The following WDR7 variants were observed in gnomAD, a reference collection of about 807,000 sequenced individuals.
WDR7 encodes WD repeat domain 7, also known as WD repeat-containing protein 7.
A neutral mutation model predicts 169.4 loss-of-function variants in WDR7; 46 were observed. The observed-to-expected ratio is 0.27, with a 90% CI of 0.21 to 0.35. WDR7 has a LOEUF of 0.35. Among genes scored for constraint, WDR7 ranks in the 10% least tolerant of loss-of-function variants. WDR7 has a pLI of 1.00. For synonymous variants in WDR7, 612 were observed against 666.8 expected, an observed-to-expected ratio of 0.92 and a Z score of 1.27; for missense variants, 1,534 against 1,859.3, an observed-to-expected ratio of 0.83 and a Z score of 3.22.
At chr18:56,808,504 T>C (rs2044813987) in intron 19 of WDR7, among the ~76,000 whole-genome samples, 1 of 152,184 alleles carries the variant, frequency 6.6e-6, no homozygotes, top group Non-Finnish European at 1.5e-5. Context: ...GCAGTGTTTA[T>C]CACTACCATC....
At chr18:56,835,289 T>C (rs1408685557) in intron 20 of WDR7, among the ~76,000 whole-genome samples, 2 of 152,226 alleles carry the variant, frequency 1.3e-5, no homozygotes, top group Non-Finnish European at 2.9e-5. Context: ...TTCAGATTTA[T>C]TCATCTTGTT....
intron 25 of WDR7, among the ~76,000 whole-genome samples, chr18:56,947,399 G>A (rs989071361): frequency 1.8e-4 from 28 of 152,142 alleles, no homozygotes; most frequent in Admixed American, 1.7e-3. Flanking sequence ...TTGTTAGAGG[G>A]TTCTGAGTAA....
intron 12 of WDR7, among the ~76,000 whole-genome samples, chr18:56,707,449 G>C (rs2025985929): frequency 1.4e-5 from 2 of 147,646 alleles, no homozygotes; most frequent in African/African-American, 5.0e-5. Context: ...TTTGGCATGA[G>C]ATAGAAGTTT....
In WDR7 at chr18:56,694,601, A is replaced by C. The variant is rs1392383242; in HGVS notation, c.967-18A>C. 1.9e-6 allele frequency: 3 copies of C among 1,599,922 alleles called. No homozygotes were observed. The highest frequency in any genetic ancestry group is 1.7e-6 in the Non-Finnish European group (2 of 1,171,012). ...ATTAAAAATACAGCTAAAGATATTC[A>C]AATACTTTTTTTGGCAGTTGCTAAT... On this transcript the variant is annotated intron_variant, in intron 9 of 27. Transcript: ENST00000254442.
At chr18:56,987,708 GA>G (rs1285774056) in intron 26 of WDR7, among the ~76,000 whole-genome samples, 11 of 152,090 alleles carry the variant, frequency 7.2e-5, no homozygotes, top group African/African-American at 2.2e-4. Context: ...GTGTAATAGA[GA>G]AAAAAATAGT....
At chr18:57,018,347 T>C (rs2048237229) in intron 26 of WDR7, among the ~76,000 whole-genome samples, 1 of 152,204 alleles carries the variant, frequency 6.6e-6, no homozygotes, top group South Asian at 2.1e-4. Context: ...GGAAGAAACT[T>C]TGAATTTTGA....
intron 16 of WDR7, among the ~76,000 whole-genome samples, chr18:56,775,368 G>T (rs1159466728): frequency 6.6e-6 from 1 of 152,034 alleles, no homozygotes; most frequent in Non-Finnish European, 1.5e-5. Context: ...CCAACTTTTT[G>T]CATGGAGGAT....
At chr18:57,019,057 A>G (rs1599251741) in intron 26 of WDR7, among the ~76,000 whole-genome samples, 1 of 152,146 alleles carries the variant, frequency 6.6e-6, no homozygotes, top group Admixed American at 6.5e-5. Context: ...CTATTTCATC[A>G]AATGCCACAG....
At chr18:56,755,422 G>T (rs969401127) in intron 14 of WDR7, among the ~76,000 whole-genome samples, 1 of 152,150 alleles carries the variant, frequency 6.6e-6, no homozygotes, top group African/African-American at 2.4e-5. Context: ...TTCTGTGGAG[G>T]TCACATATGT....
intron 14 of WDR7, among the ~76,000 whole-genome samples, chr18:56,735,108 C>T (rs75148498): frequency 0.044 from 6,646 of 152,052 alleles, 177 homozygotes; most frequent in Middle Eastern, 0.092. Flanking sequence ...AAGACACTTA[C>T]AAATATTGAT....
rs72930728 is a variant in WDR7, at chr18:56,962,622, G to T, written c.4164+93G>T. On this transcript the variant is annotated intron_variant, in intron 26 of 27. Transcript: ENST00000254442. ...ACTTCACCAGTTGACGTGCTGAGCT[G>T]CTGGAACATTATGGATAATGCTAAA... 14 of 1,140,590 alleles carry T rather than the reference G, an allele frequency of 1.2e-5. No homozygotes were observed. The African/African-American group carries it at 2.1e-4, about 17-fold the overall frequency. 70.7% of individuals were successfully genotyped at this position (1,140,590 alleles called of 1,614,324 possible). A position where few individuals can be genotyped will look rare whatever the true frequency, so the allele number is the denominator to read the frequency against.
chr18:56,948,147 G>C (rs116388782), intron 25 of WDR7, among the ~76,000 whole-genome samples: 2,241 of 151,996 alleles, frequency 0.015, 16 homozygotes, highest in African/African-American at 0.026. Flanking sequence ...CTGCACAGTC[G>C]TACATTATAT....
intron 13 of WDR7, among the ~76,000 whole-genome samples, chr18:56,729,475 T>C (rs567150929): frequency 4.6e-5 from 7 of 152,254 alleles, no homozygotes; most frequent in African/African-American, 1.7e-4. Flanking sequence ...TCCCCCACTT[T>C]ATACTATGAA....
At chr18:56,715,252 A>T (rs2026166860) in intron 12 of WDR7, among the ~76,000 whole-genome samples, 1 of 152,194 alleles carries the variant, frequency 6.6e-6, no homozygotes, top group African/African-American at 2.4e-5. Context: ...TGCGTAGCTC[A>T]GTGGTTGTCA....
rs143298407 is a variant in WDR7, at chr18:56,688,478, G to T, written c.717+1504G>T. On this transcript the variant is annotated intron_variant, in intron 7 of 27. Coordinates refer to ENST00000254442, the MANE Select transcript of WDR7 (RefSeq NM_015285.3). Reference sequence around the variant, plus strand: ...CATGCCTGTAATCCCAGCACTTTGGGAGGCCCGAGGCAGGCAGATCACAAG... The same window carrying T: ...CATGCCTGTAATCCCAGCACTTTGGTAGGCCCGAGGCAGGCAGATCACAAG... Among the ~76,000 whole-genome samples, 1,349 of 151,906 alleles carry T rather than the reference G, an allele frequency of 8.9e-3. 13 individuals carry two copies. Among genetic ancestry groups the T allele is most frequent in the Non-Finnish European group, 0.013 (864 of 67,980 alleles).
At chr18:56,964,702 A>T (rs1437090064) in intron 26 of WDR7, among the ~76,000 whole-genome samples, 1 of 152,030 alleles carries the variant, frequency 6.6e-6, no homozygotes, top group Non-Finnish European at 1.5e-5. Flanking sequence ...TAGACATTTT[A>T]GTGTCCCCAT....
intron 26 of WDR7, among the ~76,000 whole-genome samples, chr18:56,972,105 T>C (rs1294088702): frequency 6.6e-6 from 1 of 152,206 alleles, no homozygotes; most frequent in African/African-American, 2.4e-5. Context: ...ATTTAAAGCA[T>C]TTAATGAAAA....
At chr18:56,729,547 T>C (rs1002465627) in intron 13 of WDR7, among the ~76,000 whole-genome samples, 2 of 152,086 alleles carry the variant, frequency 1.3e-5, no homozygotes, top group African/African-American at 4.8e-5. Flanking sequence ...TCTATGTTAA[T>C]ATATATAGCA....
intron 19 of WDR7, among the ~76,000 whole-genome samples, chr18:56,795,235 C>A (rs192221118): frequency 6.6e-6 from 1 of 152,230 alleles, no homozygotes; most frequent in East Asian, 1.9e-4. Context: ...TTTGATAAGA[C>A]CCTGGTAATC....
Sources: allele counts gnomAD v4.1 joint callset (sites outside exome capture counted in the v4.1 genomes callset), GRCh38; gene constraint gnomAD v4.1.1; transcripts MANE v1.5; gene names NCBI Gene and HGNC (gene_info 2026-07-23, HGNC 2026-07-21).